Variants in CHSY1 observed in about 807,000 individuals in gnomAD.
CHSY1 encodes the protein chondroitin sulfate synthase 1, also known as N-acetylgalactosaminyl-proteoglycan 3-beta-glucuronosyltransferase 1.
Under a neutral mutation model 59.8 loss-of-function variants are expected in CHSY1, and 13 were observed. That is an observed-to-expected ratio of 0.22 (90% confidence interval 0.14 to 0.35). The LOEUF is 0.35. Ranked by LOEUF, CHSY1 falls within the 10% of genes least tolerant of loss-of-function variation. The pLI, the probability that CHSY1 is intolerant of heterozygous loss-of-function variation, is 1.00. For missense variants in CHSY1, 947 were observed against 1,030.6 expected, an observed-to-expected ratio of 0.92 and a Z score of 1.11; for synonymous variants, 459 against 401.2, an observed-to-expected ratio of 1.14 and a Z score of -1.72.
intron 2 of CHSY1, among the ~76,000 whole-genome samples, chr15:101,180,386 C>T (rs561040537): frequency 3.3e-5 from 5 of 152,172 alleles, no homozygotes; most frequent in African/African-American, 1.2e-4. Flanking sequence ...TTATGCTCCC[C>T]ACATGGCAGG....
rs750394065 is a variant in CHSY1 at position 101,235,176 on chromosome 15, T to C, written c.722A>G (p.Lys241Arg). 5.0e-6 allele frequency: 8 copies of C among 1,614,044 alleles called. No homozygotes were observed. The highest frequency in any genetic ancestry group is 3.3e-4 in the Middle Eastern group (2 of 6,062). Residue 241 changes from lysine to arginine, a missense_variant, in exon 2 of 3, where the codon AAG becomes AGG. Lys to Arg is a conservative substitution (Grantham distance 26). Transcript: ENST00000254190. ...GGTGGTGTACATCTCCCGGAGACAC[T>C]TGCCAATGTGCGGCACCATTCTCCG... ...VLRRMVPHIG[K>R]CLREMYTTHE...
chr15:101,209,329 A>G (rs2038660040), intron 2 of CHSY1, among the ~76,000 whole-genome samples: 1 of 152,250 alleles, frequency 6.6e-6, no homozygotes, highest in African/African-American at 2.4e-5. Flanking sequence ...TCAAGGTCAT[A>G]AAAATCAAGA....
chr15:101,178,619 G>C lies in CHSY1; in HGVS notation c.1178C>G (p.Pro393Arg), dbSNP rs762386598. The part of the protein sequence containing the change: ...YLYSAVDGQP[P>R]RRGMDSAQRE... Reference sequence around the variant, plus strand: ...CTGGGCGGAGTCCATTCCTCTTCGAGGGGGCTGGCCGTCAACTGCCGAATA... The same window carrying C: ...CTGGGCGGAGTCCATTCCTCTTCGACGGGGCTGGCCGTCAACTGCCGAATA... The change falls in exon 3 of 3, where the codon CCT becomes CGT. Residue 393 changes from proline (P) to arginine (R), a missense_variant. Pro to Arg is a moderately radical substitution (Grantham distance 103). Transcript: ENST00000254190. 6.2e-7 allele frequency: 1 copy of C among 1,614,106 alleles called. No homozygotes were observed. The highest frequency in any genetic ancestry group is 1.1e-5 in the South Asian group (1 of 91,090).
intron 1 of CHSY1, among the ~76,000 whole-genome samples, chr15:101,243,006 A>C (rs980869273): frequency 1.3e-5 from 2 of 152,198 alleles, no homozygotes; most frequent in Non-Finnish European, 2.9e-5. Flanking sequence ...TGTCCATCCT[A>C]AAAAATAGAC....
intron 2 of CHSY1, among the ~76,000 whole-genome samples, chr15:101,182,446 T>A (rs922052707): frequency 3.3e-5 from 5 of 152,206 alleles, no homozygotes; most frequent in African/African-American, 1.2e-4. Flanking sequence ...AGAGTATGTA[T>A]CACAGTTGTT....
At chr15:101,192,008 A>G (rs1398277296) in intron 2 of CHSY1, among the ~76,000 whole-genome samples, 1 of 152,250 alleles carries the variant, frequency 6.6e-6, no homozygotes, top group Non-Finnish European at 1.5e-5. Flanking sequence ...ATAATTAACA[A>G]TGAGTAGGAT....
At chr15:101,208,821 T>G (rs2038654854) in intron 2 of CHSY1, among the ~76,000 whole-genome samples, 1 of 151,866 alleles carries the variant, frequency 6.6e-6, no homozygotes. Flanking sequence ...AGATTATAAC[T>G]CATTAAATAA....
At chr15:101,245,233 A>T (rs532635970) in intron 1 of CHSY1, among the ~76,000 whole-genome samples, 32 of 152,210 alleles carry the variant, frequency 2.1e-4, no homozygotes, top group African/African-American at 7.5e-4. Flanking sequence ...TACCACCCAC[A>T]GCCTACACCT....
chr15:101,177,982 A>G lies in CHSY1; in HGVS notation c.1815T>C (p.Ser605=). The change falls in exon 3 of 3, where the codon TCT becomes TCC. Residue 605 remains serine (S), a synonymous_variant. Transcript: ENST00000254190. ...GGGCCAGGGCTCTTGAAAACTCTCC[A>G]GACACAGGCAAAATCTGCATGTCGG... is the stretch of plus-strand genomic sequence containing the variant. The part of the protein sequence containing the change: ...PKADMQILPV[S]GEFSRALALE... 1.2e-6 allele frequency: 2 copies of G among 1,614,194 alleles called. No individual in the cohort carries two copies. Among genetic ancestry groups the G allele is most frequent in the African/African-American group, 2.7e-5 (2 of 75,046 alleles).
chr15:101,213,673 G>A (rs778237716), intron 2 of CHSY1, among the ~76,000 whole-genome samples: 10 of 152,284 alleles, frequency 6.6e-5, no homozygotes, highest in Admixed American at 3.3e-4. Context: ...CATAAATTAC[G>A]CTGAAGTCAC....
At chr15:101,190,082 CT>C (rs1470637783) in intron 2 of CHSY1, among the ~76,000 whole-genome samples, 1 of 152,208 alleles carries the variant, frequency 6.6e-6, no homozygotes, top group Non-Finnish European at 1.5e-5. Context: ...AGCACGACCC[CT>C]GTGAGGCTGA....
Position 101,178,554 on chromosome 15 carries a change from T to C in CHSY1, c.1243A>G (p.Met415Val). 4 of 1,614,236 alleles carry C rather than the reference T, an allele frequency of 2.5e-6. No individual in the cohort carries two copies. The highest frequency in any genetic ancestry group is 3.4e-6 in the Non-Finnish European group (4 of 1,180,032). The part of the protein sequence containing the change: ...LDDIVMQVME[M>V]INANAKTRGR... Reference sequence around the variant, plus strand: ...CTGGTCTTGGCGTTGGCATTGATCATCTCCATGACCTGCATGACAATGTCG... The same window carrying C: ...CTGGTCTTGGCGTTGGCATTGATCACCTCCATGACCTGCATGACAATGTCG... The change falls in exon 3 of 3, where the codon ATG becomes GTG. Residue 415 changes from methionine (M) to valine (V), a missense_variant. Physicochemically the swap from Met to Val is conservative, Grantham distance 21. Coordinates refer to ENST00000254190, the MANE Select transcript of CHSY1 (RefSeq NM_014918.5).
chr15:101,203,641 C>T (rs2038594798), intron 2 of CHSY1, among the ~76,000 whole-genome samples: 1 of 152,126 alleles, frequency 6.6e-6, no homozygotes, highest in Non-Finnish European at 1.5e-5. Context: ...GTGATTTTTA[C>T]AGAGGAGAAT....
intron 2 of CHSY1, among the ~76,000 whole-genome samples, chr15:101,217,760 AACAG>A (rs1460728573): frequency 6.6e-6 from 1 of 152,206 alleles, no homozygotes; most frequent in Non-Finnish European, 1.5e-5. Flanking sequence ...AATGAGGAAG[AACAG>A]ACAAATTTCC....
chr15:101,224,720 C>T (rs1206078339), intron 2 of CHSY1, among the ~76,000 whole-genome samples: 5 of 152,166 alleles, frequency 3.3e-5, no homozygotes, highest in East Asian at 1.9e-4. Flanking sequence ...TCCACACACA[C>T]GCTTACACTT....
chr15:101,203,115 T>C (rs2038589884), intron 2 of CHSY1, among the ~76,000 whole-genome samples: 1 of 152,212 alleles, frequency 6.6e-6, no homozygotes, highest in Admixed American at 6.5e-5. Flanking sequence ...TATTAACAAC[T>C]GATTGCACCT....
intron 2 of CHSY1, chr15:101,188,131 C>T (rs898093219): frequency 4.1e-6 from 4 of 985,332 alleles, no homozygotes; most frequent in South Asian, 4.7e-5. Context: ...CAGCTACAGA[C>T]CATCACTGCT....
chr15:101,195,793 C>CCAGCTTGG (rs1379330797), intron 2 of CHSY1, among the ~76,000 whole-genome samples: 1 of 149,168 alleles, frequency 6.7e-6, no homozygotes, highest in African/African-American at 2.5e-5. Context: ...CCACTGCACT[C>CCAGCTTGG]CAGCTTGGGT....
chr15:101,246,966 T>A (rs562053343), intron 1 of CHSY1, among the ~76,000 whole-genome samples: 3 of 152,230 alleles, frequency 2.0e-5, no homozygotes, highest in Non-Finnish European at 2.9e-5. Flanking sequence ...TTAATTTGCA[T>A]AATAAATGAC....
Sources: gnomAD v4.1 joint callset for allele counts (sites outside exome capture counted in the v4.1 genomes callset) on GRCh38, gnomAD v4.1.1 for gene constraint, MANE v1.5 for transcripts, NCBI Gene and HGNC (gene_info 2026-07-23, HGNC 2026-07-21) for gene names.